PLSCR2: variants seen among roughly 807,000 people sequenced by gnomAD.
PLSCR2 encodes PL scramblase 2.
A neutral mutation model predicts 25.3 loss-of-function variants in PLSCR2; 18 were observed. The ratio of observed to expected loss-of-function variants is 0.71; its 90% confidence interval spans 0.49 to 1.06. The LOEUF (loss-of-function observed/expected upper bound fraction) is 1.06, where lower values mean the gene tolerates loss of function less well. PLSCR2 is among the 50% of genes least tolerant of loss of function. The probability of loss-of-function intolerance (pLI) is 0.00; values close to 1 mark genes in which losing one functional copy is unlikely to be tolerated. For synonymous variants in PLSCR2, 88 were observed against 87.3 expected (o/e 1.01, Z -0.04); for missense variants, 243 against 269.5 (o/e 0.90, Z 0.69).
At chr3:146,454,142 C>T in exon 5 of PLSCR2, 1 of 1,588,288 alleles carries the variant, frequency 6.3e-7, no homozygotes, top group Non-Finnish European at 8.5e-7. Flanking sequence ...ACTGGTACAC[C>T]AGGAGGAGCT....
chr3:146,483,748 T>G (rs188322728), intron 1 of PLSCR2, among the ~76,000 whole-genome samples: 51 of 150,290 alleles, frequency 3.4e-4, no homozygotes, highest in Admixed American at 1.9e-3. Context: ...AACAACAGCA[T>G]CAACAAAAAA....
At chr3:146,415,445 A>T (rs1399222639) in intron 2 of PLSCR2, among the ~76,000 whole-genome samples, 1 of 152,090 alleles carries the variant, frequency 6.6e-6, no homozygotes, top group Non-Finnish European at 1.5e-5. Flanking sequence ...AATTTGGTTA[A>T]CAAAAAATTT....
intron 1 of PLSCR2, chr3:146,469,193 AGGAT>A (rs2042002653): frequency 3.0e-6 from 3 of 985,312 alleles, no homozygotes; most frequent in Non-Finnish European, 3.6e-6. Context: ...GACTCTGCCC[AGGAT>A]TCAGGGCCGC....
upstream of PLSCR2, among the ~76,000 whole-genome samples, chr3:146,463,105 A>AT (rs897238811): frequency 2.0e-5 from 3 of 152,034 alleles, no homozygotes; most frequent in Admixed American, 6.5e-5. Flanking sequence ...TTATTTATTT[A>AT]TTTTTTACCA....
At chr3:146,443,775 T>C (rs2040388126) in intron 6 of PLSCR2, among the ~76,000 whole-genome samples, 2 of 152,028 alleles carry the variant, frequency 1.3e-5, no homozygotes, top group Admixed American at 6.6e-5. Flanking sequence ...TGCTCTGAAC[T>C]TTATTATTTC....
intron 2 of PLSCR2, among the ~76,000 whole-genome samples, chr3:146,396,213 A>G (rs1187546049): frequency 6.6e-6 from 1 of 152,180 alleles, no homozygotes; most frequent in Non-Finnish European, 1.5e-5. Context: ...GTGAGAATGA[A>G]TTTCATTATA....
At chr3:146,477,214 T>TTGGGACTGGTC (rs2042318794) in intron 1 of PLSCR2, among the ~76,000 whole-genome samples, 1 of 152,110 alleles carries the variant, frequency 6.6e-6, no homozygotes, top group Non-Finnish European at 1.5e-5. Flanking sequence ...AGGGACCTGG[T>TTGGGACTGGTC]TCATCTCATT....
At chr3:146,414,540 T>A (rs2038953043) in intron 2 of PLSCR2, among the ~76,000 whole-genome samples, 1 of 151,792 alleles carries the variant, frequency 6.6e-6, no homozygotes, top group African/African-American at 2.4e-5. Flanking sequence ...GTTAAATAAA[T>A]CATAAATGCT....
At chr3:146,448,122 T>C (rs1167189080) in intron 6 of PLSCR2, among the ~76,000 whole-genome samples, 3 of 152,184 alleles carry the variant, frequency 2.0e-5, no homozygotes, top group Non-Finnish European at 4.4e-5. Context: ...CCTCTTTTTT[T>C]AATGTGATCT....
At chr3:146,469,549 C>T (rs2042025660) in intron 1 of PLSCR2, 1 of 985,326 alleles carries the variant, frequency 1.0e-6, no homozygotes, top group Non-Finnish European at 1.2e-6. Flanking sequence ...CCTAGCGTGG[C>T]TTCCTCCCGT....
intron 1 of PLSCR2, among the ~76,000 whole-genome samples, chr3:146,470,830 G>C (rs2042089541): frequency 6.6e-6 from 1 of 152,206 alleles, no homozygotes; most frequent in Non-Finnish European, 1.5e-5. Flanking sequence ...TCCTGTGCCT[G>C]TGACTTGTGA....
chr3:146,423,399 T>C (rs1445170285), intron 2 of PLSCR2, among the ~76,000 whole-genome samples: 1 of 152,028 alleles, frequency 6.6e-6, no homozygotes, highest in Non-Finnish European at 1.5e-5. Flanking sequence ...TTATTTCATT[T>C]GCCTCAATAC....
chr3:146,463,935 G>C (rs1027257968), upstream of PLSCR2: 4 of 978,626 alleles, frequency 4.1e-6, no homozygotes, highest in Middle Eastern at 5.2e-4. Flanking sequence ...TCACCTCTTA[G>C]TTACATCTAC....
chr3:146,441,964 C>T, intron 6 of PLSCR2, 143 bp from the exon 7 acceptor site: 1 of 553,524 alleles, frequency 1.8e-6, no homozygotes. Flanking sequence ...TGAGAAAAGT[C>T]TACAGGTATA....
At chr3:146,426,038 T>G (rs1289914338) in intron 2 of PLSCR2, among the ~76,000 whole-genome samples, 1 of 152,170 alleles carries the variant, frequency 6.6e-6, no homozygotes, top group Non-Finnish European at 1.5e-5. Flanking sequence ...TAGAATGAAA[T>G]TGTTGTCATA....
chr3:146,408,411 C>T (rs532994932), intron 2 of PLSCR2, among the ~76,000 whole-genome samples: 159 of 152,284 alleles, frequency 1.0e-3, no homozygotes, highest in African/African-American at 3.6e-3. Context: ...TCCAAATTAA[C>T]GGGCCATTTC....
chr3:146,493,383 A>T (rs1249725342), intron 1 of PLSCR2, among the ~76,000 whole-genome samples: 1 of 152,190 alleles, frequency 6.6e-6, no homozygotes, highest in Non-Finnish European at 1.5e-5. Context: ...AAAACCCCTC[A>T]ACAAAATATG....
chr3:146,408,303 A>G (rs913585758), intron 2 of PLSCR2, among the ~76,000 whole-genome samples: 1 of 152,122 alleles, frequency 6.6e-6, no homozygotes, highest in Non-Finnish European at 1.5e-5. Context: ...TTTCGTGGAC[A>G]AACAGGTGAA....
chr3:146,400,323 T>C (rs1210887714), intron 2 of PLSCR2, among the ~76,000 whole-genome samples: 2 of 151,588 alleles, frequency 1.3e-5, no homozygotes, highest in East Asian at 1.9e-4. Context: ...AATAATTTTC[T>C]ATATACAATA....
Sources: allele counts gnomAD v4.1 joint callset (sites outside exome capture counted in the v4.1 genomes callset), GRCh38; gene constraint gnomAD v4.1.1; transcripts MANE v1.5; gene names NCBI Gene and HGNC (gene_info 2026-07-23, HGNC 2026-07-21).